The following ADAMTS16 variants were observed in gnomAD, a reference collection of about 807,000 sequenced individuals.
The protein encoded by ADAMTS16 is ADAM metallopeptidase with thrombospondin type 1 motif 16.
In ADAMTS16, 94 loss-of-function variants were observed where a neutral mutation model predicts 145.8. That is an observed-to-expected ratio of 0.64 (90% CI 0.55 to 0.77). The LOEUF (loss-of-function observed/expected upper bound fraction) is 0.77. ADAMTS16 is among the 30% of genes least tolerant of loss of function. The pLI, the probability that ADAMTS16 is intolerant of heterozygous loss-of-function variation, is 0.00. For missense variants in ADAMTS16, 1,585 were observed against 1,591.5 expected (o/e 1.00, Z 0.07); for synonymous variants, 659 against 604.3 (o/e 1.09, Z -1.33).
Position 5,158,649 on chromosome 5 carries a change from A to G in ADAMTS16, c.501+12194A>G, listed in dbSNP as rs138976076. Among the ~76,000 whole-genome samples the G allele has an allele frequency of 6.6e-5, 10 of 152,316 alleles. No individual in the cohort carries two copies. The East Asian group carries it at 1.9e-3, about 29-fold the overall frequency. On this transcript the variant is annotated intron_variant, in intron 3 of 22. Transcript: ENST00000274181. ...AGGTGAGCACTTTTCAGTCCTAACCATGTGAGTCACTTTTCTAGTTACAGA... is the reference window on the plus strand; with the variant it reads ...AGGTGAGCACTTTTCAGTCCTAACCGTGTGAGTCACTTTTCTAGTTACAGA...
At chr5:5,202,745 C>A (rs1241074745) in intron 9 of ADAMTS16, among the ~76,000 whole-genome samples, 1 of 152,036 alleles carries the variant, frequency 6.6e-6, no homozygotes, top group Non-Finnish European at 1.5e-5. Flanking sequence ...AACACTTTTT[C>A]TATTTTGAAA....
At chr5:5,293,226 G>A (rs985386972) in intron 18 of ADAMTS16, among the ~76,000 whole-genome samples, 1 of 152,116 alleles carries the variant, frequency 6.6e-6, no homozygotes, top group Non-Finnish European at 1.5e-5. Flanking sequence ...TTCTTAGTTC[G>A]ATGGGTGTGG....
intron 14 of ADAMTS16, among the ~76,000 whole-genome samples, chr5:5,237,852 C>A (rs1579332297): frequency 6.6e-6 from 1 of 152,198 alleles, no homozygotes; most frequent in African/African-American, 2.4e-5. Context: ...GTTACCCTTA[C>A]CCTGATTGGC....
chr5:5,313,393 C>T (rs1213402020), intron 21 of ADAMTS16, among the ~76,000 whole-genome samples: 1 of 152,188 alleles, frequency 6.6e-6, no homozygotes, highest in African/African-American at 2.4e-5. Context: ...AAATGTTTTG[C>T]TTATCTTCAC....
At chr5:5,225,372 T>C (rs79863057) in intron 11 of ADAMTS16, among the ~76,000 whole-genome samples, 29,288 of 151,878 alleles carry the variant, frequency 0.19, 3,299 homozygotes, top group East Asian at 0.5. Context: ...AAAGCTGAGG[T>C]GGGCAGATCA....
At chr5:5,168,159 A>G (rs2126537072) in intron 3 of ADAMTS16, among the ~76,000 whole-genome samples, 1 of 152,248 alleles carries the variant, frequency 6.6e-6, no homozygotes, top group South Asian at 2.1e-4. Flanking sequence ...ATGACATTTA[A>G]TCTCCAAGAA....
rs764607748 is a variant in ADAMTS16, at chr5:5,235,011, C to T, written c.1851-3C>T. 3.8e-6 allele frequency: 6 copies of T among 1,561,576 alleles called. No homozygotes were observed. In the Admixed American group the frequency reaches 5.3e-5, roughly 14 times the overall value. ...AATTCTAACTTCAAAATACACATTC[C>T]AGGCCATCGCATGGAGGGAAGTTCT... is the stretch of plus-strand genomic sequence containing the variant. On this transcript the variant is annotated splice_region_variant and splice_polypyrimidine_tract_variant and intron_variant, in intron 12 of 22. Coordinates refer to ENST00000274181, the MANE Select transcript of ADAMTS16 (RefSeq NM_139056.4).
intron 21 of ADAMTS16, among the ~76,000 whole-genome samples, chr5:5,309,308 G>A (rs1740318239): frequency 6.6e-6 from 1 of 152,116 alleles, no homozygotes; most frequent in African/African-American, 2.4e-5. Flanking sequence ...AGTAAGTGGT[G>A]CGCTTTTTGG....
Position 5,303,167 on chromosome 5 carries a change from G to A in ADAMTS16, c.2790-101G>A, listed in dbSNP as rs892862459. 2.5e-4 allele frequency: 310 copies of A among 1,264,184 alleles called. 1 individual carries two copies. Among genetic ancestry groups the A allele is most frequent in the Non-Finnish European group, 2.9e-4 (271 of 937,492 alleles). 78.3% of individuals were successfully genotyped at this position (1,264,184 alleles called of 1,614,324 possible). ...TGAAAATAACGGCACACACACGACC[G>A]TGGCTGGGAAATCGCGCCGCTGCCT... is the stretch of plus-strand genomic sequence containing the variant. On this transcript the variant is annotated intron_variant, in intron 18 of 22. Coordinates refer to ENST00000274181, the MANE Select transcript of ADAMTS16 (RefSeq NM_139056.4).
At chr5:5,167,731 G>A (rs765594592) in intron 3 of ADAMTS16, among the ~76,000 whole-genome samples, 22 of 152,198 alleles carry the variant, frequency 1.4e-4, no homozygotes, top group Middle Eastern at 3.2e-3. Context: ...ATTACCCAGG[G>A]TTCCAGAGCC....
chr5:5,184,230 C>T (rs1735432481), intron 4 of ADAMTS16, among the ~76,000 whole-genome samples: 1 of 151,874 alleles, frequency 6.6e-6, no homozygotes, highest in South Asian at 2.1e-4. Context: ...CCCCAGGGCA[C>T]TGTCACCGAT....
chr5:5,151,678 T>TTGTGTGTG lies in ADAMTS16; in HGVS notation c.501+5263_501+5270dup, dbSNP rs60381485. Among the ~76,000 whole-genome samples the TTGTGTGTG allele has an allele frequency of 6.4e-5, 9 of 139,680 alleles. 1 individual carries two copies. The South Asian group carries it at 2.2e-3, about 34-fold the overall frequency. The allele number at this position is 139,680 out of a possible 152,430, so 91.6% of individuals were successfully genotyped here. A position where few individuals can be genotyped will look rare whatever the true frequency, so the allele number is the denominator to read the frequency against. ...TATCCATTATTTCCCATAGTTCCCT[T>TTGTGTGTG]TGTGTGTGTGTGTGTGTGTGTGTGT... On this transcript the variant is annotated intron_variant, in intron 3 of 22. Transcript: ENST00000274181.
intron 3 of ADAMTS16, among the ~76,000 whole-genome samples, chr5:5,165,119 C>T (rs1734838381): frequency 6.6e-6 from 1 of 152,090 alleles, no homozygotes; most frequent in Admixed American, 6.5e-5. Context: ...TCACTCCAGC[C>T]CCACCCCAGC....
chr5:5,184,849 G>A (rs1735455213), intron 4 of ADAMTS16, among the ~76,000 whole-genome samples: 1 of 152,138 alleles, frequency 6.6e-6, no homozygotes. Flanking sequence ...GCTGAGCCCT[G>A]TGCTAACATG....
At chr5:5,279,754 T>C (rs1364484767) in intron 18 of ADAMTS16, among the ~76,000 whole-genome samples, 1 of 151,886 alleles carries the variant, frequency 6.6e-6, no homozygotes, top group Non-Finnish European at 1.5e-5. Flanking sequence ...TATACCTGAT[T>C]ACCCTCCTTC....
Position 5,189,983 on chromosome 5 carries a change from A to G in ADAMTS16, c.1060A>G (p.Ile354Val), listed in dbSNP as rs747337810. The G allele has an allele frequency of 6.2e-7, 1 of 1,610,838 alleles. No individual in the cohort carries two copies. The highest frequency in any genetic ancestry group is 8.5e-7 in the Non-Finnish European group (1 of 1,178,900). The change falls in exon 7 of 23, where the codon ATA (isoleucine) becomes GTA (valine). Residue 354 changes from isoleucine (I) to valine (V), a missense_variant. Physicochemically the swap from Ile to Val is conservative, Grantham distance 29 (BLOSUM62 3). Around this residue, in one of 3 missense-constraint regions of ADAMTS16, gnomAD observed 298 missense variants for 367.6 expected, o/e 0.81. Transcript: ENST00000274181. ...LLEDEQPGLV[I>V]SHHADHTLSS... ...GTCTCTTGCACAGCCAGGACTGGTG[A>G]TAAGTCACCACGCAGACCACACCTT...
intron 12 of ADAMTS16, 135 bp downstream of exon 12, chr5:5,232,651 T>A: frequency 8.9e-7 from 1 of 1,122,186 alleles, no homozygotes; most frequent in Non-Finnish European, 1.3e-6. Context: ...TCACCCAGGC[T>A]GGAGTGCAGT....
Position 5,306,495 on chromosome 5 carries a change from TC to T in ADAMTS16, c.3187-8del. ...TTTTCACTGACTTCTTTTGTTCTCT[TC>T]TTTTTAGTGCTCTGTGACATGTGAA... On this transcript the variant is annotated splice_region_variant and splice_polypyrimidine_tract_variant and intron_variant, in intron 20 of 22. Transcript: ENST00000274181. 1 of 1,601,058 alleles carries T rather than the reference TC, an allele frequency of 6.2e-7. No homozygotes were observed. Among genetic ancestry groups the T allele is most frequent in the South Asian group, 1.1e-5 (1 of 89,446 alleles).
chr5:5,242,133 C>T lies in ADAMTS16; in HGVS notation c.2604C>T (p.Ala868=), dbSNP rs758083573. 1.9e-5 allele frequency: 31 copies of T among 1,614,104 alleles called. No homozygotes were observed. In the Admixed American group the frequency reaches 4.8e-4, roughly 25 times the overall value. Reference sequence around the variant, plus strand: ...TGGGGACCGAGAAGCAGCCCCCTGCCCAGCCCAGCTACACTTGGGCCATCG... The same window carrying T: ...TGGGGACCGAGAAGCAGCCCCCTGCTCAGCCCAGCTACACTTGGGCCATCG... ...PRLGTEKQPP[A]QPSYTWAIVR... Residue 868 remains alanine, a synonymous_variant, in exon 17 of 23, where the codon GCC becomes GCT. Coordinates refer to ENST00000274181, the MANE Select transcript of ADAMTS16 (RefSeq NM_139056.4).
Sources: gnomAD v4.1 joint callset for allele counts (sites outside exome capture counted in the v4.1 genomes callset) on GRCh38, gnomAD v4.1.1 for gene constraint, gnomAD v4.1.1 regional missense constraint, MANE v1.5 for transcripts, NCBI Gene and HGNC (gene_info 2026-07-23, HGNC 2026-07-21) for gene names.